The following ADIPOR1 variants were observed in gnomAD, a reference collection of about 807,000 sequenced individuals.
ADIPOR1 encodes adiponectin receptor 1.
A neutral mutation model predicts 37.5 loss-of-function variants in ADIPOR1; 15 were observed. The ratio of observed to expected loss-of-function variants is 0.40; its 90% CI spans 0.27 to 0.62. The LOEUF is 0.62. ADIPOR1 is among the 20% of genes least tolerant of loss of function. ADIPOR1 has a pLI of 0.42. For synonymous variants in ADIPOR1, 173 were observed against 173.2 expected (o/e 1.00, Z 0.01); for missense variants, 286 against 478.0 (o/e 0.60, Z 3.75).
chr1:202,949,246 T>G (rs1191005073), intron 2 of ADIPOR1, among the ~76,000 whole-genome samples: 1 of 151,814 alleles, frequency 6.6e-6, no homozygotes, highest in African/African-American at 2.4e-5. Context: ...TCAGAACTGG[T>G]TCCATGGAAA....
chr1:202,947,011 G>A (rs1173637879), intron 3 of ADIPOR1, among the ~76,000 whole-genome samples: 1 of 152,070 alleles, frequency 6.6e-6, no homozygotes, highest in Non-Finnish European at 1.5e-5. Flanking sequence ...AGCTACTCAG[G>A]AGGCTGAGGC....
In ADIPOR1 at chr1:202,941,572, C is replaced by T. The variant is rs1239314758; in HGVS notation, c.*1G>A. ...CTCCTCCACCCCGCAGGTGGGAAGG[C>T]TCAGAGAAGGGTGTCATCAGTACAG... On this transcript the variant is annotated 3_prime_UTR_variant, in exon 8 of 8. Coordinates refer to ENST00000340990, the MANE Select transcript of ADIPOR1 (RefSeq NM_015999.6). The T allele has an allele frequency of 6.2e-7, 1 of 1,606,670 alleles. No individual in the cohort carries two copies.
Position 202,945,029 on chromosome 1 carries a change from G to T in ADIPOR1, c.571C>A (p.His191Asn). 1.2e-6 allele frequency: 2 copies of T among 1,613,948 alleles called. No individual in the cohort carries two copies. The highest frequency in any genetic ancestry group is 1.7e-6 in the Non-Finnish European group (2 of 1,179,966). Residue 191 changes from histidine to asparagine, a missense_variant, in exon 5 of 8, where the codon CAC (histidine) becomes AAC (asparagine). Transcript: ENST00000340990. ...TTCTCTGAATGACAATAGACGGTGT[G>T]AAAGAGCCAGGAGAAGCTGAGGCAG... Reference protein sequence around the residue: ...VLCLSFSWLFHTVYCHSEKVS... With the variant: ...VLCLSFSWLFNTVYCHSEKVS...
At chr1:202,952,584 C>T (rs1260843769) in intron 1 of ADIPOR1, among the ~76,000 whole-genome samples, 1 of 152,178 alleles carries the variant, frequency 6.6e-6, no homozygotes, top group Non-Finnish European at 1.5e-5. Flanking sequence ...AGCTGGGACA[C>T]CCTTCTTTTC....
rs146026266 is a variant in ADIPOR1 at position 202,950,960 on chromosome 1, C to T, written c.111G>A (p.Lys37=). 5.0e-6 allele frequency: 8 copies of T among 1,614,032 alleles called. No individual in the cohort carries two copies. In the African/African-American group the frequency reaches 1.1e-4, roughly 22 times the overall value. ...LAELGPLLEE[K]GKRVIANPPK... ...GTGGGTTGGCGATTACCCGTTTGCCCTTCTCTTCTAGCAGGGGTCCCAGTT... is the reference window on the plus strand; with the variant it reads ...GTGGGTTGGCGATTACCCGTTTGCCTTTCTCTTCTAGCAGGGGTCCCAGTT... The change falls in exon 2 of 8, where the codon AAG becomes AAA. Residue 37 remains lysine, a synonymous_variant. Transcript: ENST00000340990.
intron 3 of ADIPOR1, 82 bp from the exon 4 acceptor site, chr1:202,946,692 G>C: frequency 7.0e-7 from 1 of 1,426,974 alleles, no homozygotes; most frequent in Non-Finnish European, 9.7e-7. Context: ...ACTAGTCTAA[G>C]AAGATGTCAG....
intron 1 of ADIPOR1, among the ~76,000 whole-genome samples, chr1:202,952,690 C>T (rs528032837): frequency 1.3e-5 from 2 of 152,322 alleles, no homozygotes; most frequent in East Asian, 3.9e-4. Flanking sequence ...CAGCCTTAAA[C>T]TGAACCAGTT....
chr1:202,954,370 G>A lies in ADIPOR1; in HGVS notation c.-94-3206C>T, dbSNP rs575073964. On this transcript the variant is annotated intron_variant, in intron 1 of 7. Coordinates refer to ENST00000340990, the MANE Select transcript of ADIPOR1 (RefSeq NM_015999.6). ...ATCGGACGTCTGGCAAGAAAGAAGA[G>A]CAAATAATACTAGGATCTGAAAATA... 4 of 152,318 alleles carry A rather than the reference G, an allele frequency of 2.6e-5. No homozygotes were observed. In the South Asian group the frequency reaches 8.3e-4, roughly 32 times the overall value. The allele number at this position is 152,318 out of a possible 1,614,324, so 9.4% of individuals were successfully genotyped here. A position where few individuals can be genotyped will look rare whatever the true frequency, so the allele number is the denominator to read the frequency against.
rs1004509028 is a variant in ADIPOR1 at position 202,955,935 on chromosome 1, C to T, written c.-95+2250G>A. Reference sequence around the variant, plus strand: ...GGATTACAGGCACCTGCCACCACATCCGGATAATTTTTGTATTTTTAGTAG... The same window carrying T: ...GGATTACAGGCACCTGCCACCACATTCGGATAATTTTTGTATTTTTAGTAG... On this transcript the variant is annotated intron_variant, in intron 1 of 7. Transcript: ENST00000340990. Among the ~76,000 whole-genome samples, 3 of 152,234 alleles carry T rather than the reference C, an allele frequency of 2.0e-5. No individual in the cohort carries two copies. In the East Asian group the frequency reaches 5.8e-4, roughly 29 times the overall value.
chr1:202,953,642 A>C (rs1455158339), intron 1 of ADIPOR1, among the ~76,000 whole-genome samples: 1 of 152,148 alleles, frequency 6.6e-6, no homozygotes, highest in African/African-American at 2.4e-5. Flanking sequence ...ATATTTAGCA[A>C]GTGTATTTAG....
intron 6 of ADIPOR1, among the ~76,000 whole-genome samples, 156 bp from the exon 7 acceptor site, chr1:202,942,374 C>A (rs1654128392): frequency 6.6e-6 from 1 of 152,224 alleles, no homozygotes; most frequent in Non-Finnish European, 1.5e-5. Flanking sequence ...GGATAACACT[C>A]AACAGATATT....
chr1:202,941,453 G>T lies in ADIPOR1; in HGVS notation c.*120C>A. On this transcript the variant is annotated 3_prime_UTR_variant, in exon 8 of 8. Coordinates refer to ENST00000340990, the MANE Select transcript of ADIPOR1 (RefSeq NM_015999.6). ...AGTGGGCTGAAGCTTGGTTGGTACT[G>T]AATTCTCTAAGAGGTTTCTTCTAGA... 1 of 1,315,914 alleles carries T rather than the reference G, an allele frequency of 7.6e-7. No homozygotes were observed. The highest frequency in any genetic ancestry group is 1.0e-6 in the Non-Finnish European group (1 of 972,996). The allele number at this position is 1,315,914 out of a possible 1,614,324, so 81.5% of individuals were successfully genotyped here. A position where few individuals can be genotyped will look rare whatever the true frequency, so the allele number is the denominator to read the frequency against.
At position 202,943,762 on chromosome 1, in the gene ADIPOR1, T is replaced by C; in HGVS notation, c.801A>G (p.Arg267=). 6.2e-7 allele frequency: 1 copy of C among 1,613,088 alleles called. No homozygotes were observed. Among genetic ancestry groups the C allele is most frequent in the Non-Finnish European group, 8.5e-7 (1 of 1,179,918 alleles). ...TACGTACATCTTCCGACCTACCTGCTCTTGTCTGCCGGTGCTTAGGAGTGG... is the reference window on the plus strand; with the variant it reads ...TACGTACATCTTCCGACCTACCTGCCCTTGTCTGCCGGTGCTTAGGAGTGG... The part of the protein sequence containing the change: ...RFATPKHRQT[R]AGVFLGLGLS... The change falls in exon 6 of 8, where the codon AGA becomes AGG. Residue 267 remains arginine (R), a synonymous_variant. Coordinates refer to ENST00000340990, the MANE Select transcript of ADIPOR1 (RefSeq NM_015999.6).
chr1:202,942,632 C>T (rs1654142064), intron 6 of ADIPOR1, among the ~76,000 whole-genome samples: 1 of 152,088 alleles, frequency 6.6e-6, no homozygotes, highest in Non-Finnish European at 1.5e-5. Context: ...GAACTCTGAC[C>T]TCCTGAGTAG....
intron 2 of ADIPOR1, among the ~76,000 whole-genome samples, 171 bp downstream of exon 2, chr1:202,950,759 G>A (rs1213787584): frequency 6.6e-6 from 1 of 152,180 alleles, no homozygotes; most frequent in East Asian, 1.9e-4. Context: ...AGCTTACAAT[G>A]GGGAAAGCAG....
At chr1:202,958,537 C>G (rs1654879786), upstream of ADIPOR1, 1 of 152,492 alleles carries the variant, frequency 6.6e-6, no homozygotes, top group South Asian at 2.0e-4. Context: ...TCGGATTCTA[C>G]ACTCCACCTC....
At chr1:202,944,867 C>A in intron 5 of ADIPOR1, 116 bp downstream of exon 5, 1 of 1,013,372 alleles carries the variant, frequency 9.9e-7, no homozygotes. Context: ...AGCCTTTCCT[C>A]TGGCATATCA....
At chr1:202,951,764 T>C (rs182927845) in intron 1 of ADIPOR1, among the ~76,000 whole-genome samples, 6 of 152,336 alleles carry the variant, frequency 3.9e-5, no homozygotes, top group Admixed American at 3.9e-4. Flanking sequence ...TACAGGATTA[T>C]AGCCTGAGTT....
intron 5 of ADIPOR1, chr1:202,944,166 A>G (rs1391390408): frequency 1.0e-5 from 5 of 484,862 alleles, no homozygotes; most frequent in Non-Finnish European, 1.8e-5. Context: ...TCCCCATTCA[A>G]AGAACTCTAT....
Sources: gnomAD v4.1 joint callset for allele counts (sites outside exome capture counted in the v4.1 genomes callset) on GRCh38, gnomAD v4.1.1 for gene constraint, MANE v1.5 for transcripts, NCBI Gene and HGNC (gene_info 2026-07-23, HGNC 2026-07-21) for gene names.